Variants in MAN2A2 observed in about 807,000 individuals in gnomAD.
MAN2A2 encodes the protein alpha-mannosidase 2x.
Under a neutral mutation model 126.8 loss-of-function variants are expected in MAN2A2, and 79 were observed. That is an observed-to-expected ratio of 0.62 (90% CI 0.52 to 0.75). The LOEUF is 0.75. Ranked by LOEUF, MAN2A2 falls within the 30% of genes least tolerant of loss-of-function variation. MAN2A2 has a pLI of 0.00. For synonymous variants in MAN2A2, 671 were observed against 618.7 expected, an observed-to-expected ratio of 1.08 and a Z score of -1.25; for missense variants, 1,392 against 1,522.4, an observed-to-expected ratio of 0.91 and a Z score of 1.43.
intron 15 of MAN2A2, 38 bp downstream of exon 15, chr15:90,912,317 G>C (rs1189103578): frequency 4.4e-6 from 7 of 1,607,646 alleles, no homozygotes; most frequent in Non-Finnish European, 6.0e-6. Flanking sequence ...CCAGGGGCCA[G>C]AGTAGGGCGT....
intron 20 of MAN2A2, chr15:90,916,539 C>G: frequency 7.1e-7 from 1 of 1,412,616 alleles, no homozygotes; most frequent in South Asian, 1.2e-5. Context: ...ATTCTCTAAG[C>G]CTGTGCTCCA....
In MAN2A2 at chr15:90,911,151, T is replaced by A; in HGVS notation, c.1876-20T>A. The A allele has an allele frequency of 6.2e-7, 1 of 1,613,350 alleles. No homozygotes were observed. The highest frequency in any genetic ancestry group is 8.5e-7 in the Non-Finnish European group (1 of 1,179,552). On this transcript the variant is annotated intron_variant, in intron 12 of 22. Coordinates refer to ENST00000559717, the MANE Select transcript of MAN2A2 (RefSeq NM_006122.4). The stretch of plus-strand genomic sequence containing the variant: ...GCTGAGCCCATGATGGTTCTTCCCT[T>A]CCGGCTCACTGAATTCCAGGATGAC...
chr15:90,911,453 C>T lies in MAN2A2; in HGVS notation c.2012C>T (p.Pro671Leu). ...FSMVSLLVNSPRVRVLSEEGQ... is the reference protein window; with the variant it reads ...FSMVSLLVNSLRVRVLSEEGQ... ...ATGGTGTCCCTGCTGGTCAACTCTC[C>T]CCGCGTGCGTGTCCTTTCGGAGGAG... The change falls in exon 14 of 23, where the codon CCC (proline) becomes CTC (leucine). Residue 671 changes from proline to leucine, a missense_variant. Coordinates refer to ENST00000559717, the MANE Select transcript of MAN2A2 (RefSeq NM_006122.4). 6.2e-7 allele frequency: 1 copy of T among 1,614,222 alleles called. No homozygotes were observed. Among genetic ancestry groups the T allele is most frequent in the Non-Finnish European group, 8.5e-7 (1 of 1,180,038 alleles).
intron 19 of MAN2A2, chr15:90,915,869 G>A (rs1027255534): frequency 4.3e-6 from 2 of 465,150 alleles, no homozygotes; most frequent in African/African-American, 3.9e-5. Context: ...CCAGAGCGTG[G>A]GGGGTAAACT....
chr15:90,910,335 G>A (rs1277338179), intron 10 of MAN2A2, 43 bp downstream of exon 10: 2 of 1,608,640 alleles, frequency 1.2e-6, no homozygotes, highest in East Asian at 4.5e-5. Context: ...GGGAGAGTCA[G>A]CCTTTGGGGT....
chr15:90,909,839 G>A (rs1313982342), intron 9 of MAN2A2, among the ~76,000 whole-genome samples: 1 of 152,192 alleles, frequency 6.6e-6, no homozygotes, highest in Admixed American at 6.5e-5. Context: ...TCCTGACTTC[G>A]TGATCCACTC....
rs185828977 is a variant in MAN2A2 at position 90,914,875 on chromosome 15, C to G, written c.2860+1120C>G. ...TGGGGAGCACTGGCCTGGAGTCAGA[C>G]CCGGGTAGCTGGTCACGCTGGCAGC... On this transcript the variant is annotated intron_variant, in intron 19 of 22. Transcript: ENST00000559717. 1.8e-3 allele frequency among the ~76,000 whole-genome samples: 274 copies of G among 152,314 alleles called. 2 individuals are homozygous for G. Among genetic ancestry groups the G allele is most frequent in the African/African-American group, 6.4e-3 (265 of 41,574 alleles).
At chr15:90,917,118 T>C (rs1483291761) in intron 20 of MAN2A2, among the ~76,000 whole-genome samples, 1 of 152,206 alleles carries the variant, frequency 6.6e-6, no homozygotes, top group African/African-American at 2.4e-5. Context: ...TAGCCCTATA[T>C]GGCTATTTAA....
At chr15:90,916,378 G>T in intron 20 of MAN2A2, 122 bp downstream of exon 20, 1 of 1,345,952 alleles carries the variant, frequency 7.4e-7, no homozygotes. Context: ...GAGTAGGGCT[G>T]AATTCCTGGG....
Position 90,915,868 on chromosome 15 carries a change from G to C in MAN2A2, c.2861-255G>C, listed in dbSNP as rs568738617. 8.6e-4 allele frequency: 395 copies of C among 461,384 alleles called. 2 individuals are homozygous for C. The highest frequency in any genetic ancestry group is 7.0e-3 in the African/African-American group (357 of 50,836). 28.6% of individuals were successfully genotyped at this position (461,384 alleles called of 1,614,324 possible). A position where few individuals can be genotyped will look rare whatever the true frequency, so the allele number is the denominator to read the frequency against. On this transcript the variant is annotated intron_variant, in intron 19 of 22. Coordinates refer to ENST00000559717, the MANE Select transcript of MAN2A2 (RefSeq NM_006122.4). ...TCCCTACTCCTGAGTCCCAGAGCGTGGGGGGTAAACTGCCAGGGCCAGCCT... is the reference window on the plus strand; with the variant it reads ...TCCCTACTCCTGAGTCCCAGAGCGTCGGGGGTAAACTGCCAGGGCCAGCCT...
At chr15:90,916,535 T>G in intron 20 of MAN2A2, 2 of 1,415,230 alleles carry the variant, frequency 1.4e-6, no homozygotes, top group Non-Finnish European at 1.9e-6. Flanking sequence ...CAGCATTCTC[T>G]AAGCCTGTGC....
chr15:90,905,627 G>C lies in MAN2A2; in HGVS notation c.439G>C (p.Val147Leu). Residue 147 changes from valine to leucine, a missense_variant, in exon 4 of 23, where the codon GTG (valine) becomes CTG (leucine). Physicochemically the swap from Val to Leu is conservative, Grantham distance 32. Coordinates refer to ENST00000559717, the MANE Select transcript of MAN2A2 (RefSeq NM_006122.4). ...ELPFDNVDGGVWRQGFDISYD... is the reference protein window; with the variant it reads ...ELPFDNVDGGLWRQGFDISYD... ...GCCGTTTGACAACGTGGATGGTGGT[G>C]TGTGGAGGCAAGGCTTCGACATCTC... is the stretch of plus-strand genomic sequence containing the variant. 1 of 1,614,222 alleles carries C rather than the reference G, an allele frequency of 6.2e-7. No homozygotes were observed. Among genetic ancestry groups the C allele is most frequent in the Non-Finnish European group, 8.5e-7 (1 of 1,180,038 alleles).
In MAN2A2 at chr15:90,913,419, C is replaced by T; in HGVS notation, c.2718+13C>T. ...CAATGGCTTTCAGGTGACTCCTGGG[C>T]CTGGGTCTCGGAGACCCCACAGAGT... On this transcript the variant is annotated intron_variant, in intron 18 of 22. Coordinates refer to ENST00000559717, the MANE Select transcript of MAN2A2 (RefSeq NM_006122.4). 3.2e-6 allele frequency: 5 copies of T among 1,582,216 alleles called. No homozygotes were observed. Among genetic ancestry groups the T allele is most frequent in the Non-Finnish European group, 4.3e-6 (5 of 1,151,272 alleles).
chr15:90,913,844 C>T lies in MAN2A2; in HGVS notation c.2860+89C>T, dbSNP rs941619858. The T allele has an allele frequency of 6.9e-6, 10 of 1,451,596 alleles. No homozygotes were observed. In the African/African-American group the frequency reaches 1.4e-4, roughly 21 times the overall value. The allele number at this position is 1,451,596 out of a possible 1,614,324, so 89.9% of individuals were successfully genotyped here. ...AGGGCTCCCCGCTCTGTTGGCCTCC[C>T]TTGCCTCTTTCTGGACTGCATCACC... On this transcript the variant is annotated intron_variant, in intron 19 of 22. Coordinates refer to ENST00000559717, the MANE Select transcript of MAN2A2 (RefSeq NM_006122.4).
intron 20 of MAN2A2, 33 bp from the exon 21 acceptor site, chr15:90,918,161 G>C (rs2035329509): frequency 6.3e-7 from 1 of 1,596,616 alleles, no homozygotes; most frequent in South Asian, 1.1e-5. Flanking sequence ...CCTGGCTTTG[G>C]TCCCTCACCA....
chr15:90,913,280 G>C lies in MAN2A2; in HGVS notation c.2592G>C (p.Glu864Asp). 3.1e-6 allele frequency: 5 copies of C among 1,614,026 alleles called. No homozygotes were observed. Among genetic ancestry groups the C allele is most frequent in the Non-Finnish European group, 4.2e-6 (5 of 1,179,950 alleles). Residue 864 changes from glutamate to aspartate, a missense_variant, in exon 18 of 23, where the codon GAG becomes GAC. Coordinates refer to ENST00000559717, the MANE Select transcript of MAN2A2 (RefSeq NM_006122.4). The stretch of plus-strand genomic sequence containing the variant: ...CTTTGTTCCTGTACCCAGGGGTGGA[G>C]GGGCTGTCTCTGGACATATCATCCC... ...AVRLYNLPGV[E>D]GLSLDISSLV...
intron 20 of MAN2A2, chr15:90,916,534 C>G: frequency 1.4e-6 from 2 of 1,417,260 alleles, no homozygotes; most frequent in Non-Finnish European, 1.9e-6. Flanking sequence ...CCAGCATTCT[C>G]TAAGCCTGTG....
intron 8 of MAN2A2, among the ~76,000 whole-genome samples, chr15:90,908,897 C>T (rs1477427532): frequency 6.6e-6 from 1 of 152,102 alleles, no homozygotes; most frequent in Non-Finnish European, 1.5e-5. Flanking sequence ...TTTTAATTCT[C>T]ATAACATTAT....
At chr15:90,907,822 T>C (rs2034420830) in intron 8 of MAN2A2, among the ~76,000 whole-genome samples, 2 of 152,204 alleles carry the variant, frequency 1.3e-5, no homozygotes, top group Admixed American at 6.5e-5. Context: ...TGTTCTGACT[T>C]GGCTTTAAGT....
Sources: allele counts gnomAD v4.1 joint callset (sites outside exome capture counted in the v4.1 genomes callset), GRCh38; gene constraint gnomAD v4.1.1; transcripts MANE v1.5; gene names NCBI Gene and HGNC (gene_info 2026-07-23, HGNC 2026-07-21).